The following TP53I13 variants were observed in gnomAD, a reference collection of about 807,000 sequenced individuals.
TP53I13 encodes tumor protein p53-inducible protein 13.
In TP53I13, 27 loss-of-function variants were observed where a neutral mutation model predicts 39.1. The ratio of observed to expected loss-of-function variants is 0.69; its 90% CI spans 0.51 to 0.95. TP53I13 has a LOEUF of 0.95. Among genes scored for constraint, TP53I13 ranks in the 40% least tolerant of loss-of-function variants. The pLI is 0.00. For synonymous variants in TP53I13, 230 were observed against 224.6 expected (o/e 1.02, Z -0.22); for missense variants, 544 against 520.4 (o/e 1.05, Z -0.44).
chr17:29,578,506 G>C, the TP53I13 span: 7 of 877,310 alleles, frequency 8.0e-6, no homozygotes, highest in East Asian at 1.7e-4. Context: ...TCTCAGAATG[G>C]GAAAGTGGAA....
downstream of TP53I13, chr17:29,577,795 G>A (rs1259350211): frequency 8.9e-6 from 10 of 1,120,426 alleles, no homozygotes; most frequent in African/African-American, 1.1e-4. Context: ...CCCCCAAGGT[G>A]GGGGTGGGGA....
At chr17:29,580,772 T>G in the TP53I13 span, among the ~76,000 whole-genome samples, 4 of 151,418 alleles carry the variant, frequency 2.6e-5, no homozygotes, top group South Asian at 2.1e-4. Flanking sequence ...TTCTGTTTCT[T>G]TTTCTTTTTT....
At position 29,572,839 on chromosome 17, in the gene TP53I13, C is replaced by T; in HGVS notation, c.1097C>T (p.Pro366Leu). 2.6e-6 allele frequency: 4 copies of T among 1,527,162 alleles called. No individual in the cohort carries two copies. The highest frequency in any genetic ancestry group is 1.2e-5 in the South Asian group (1 of 82,998). 94.6% of individuals were successfully genotyped at this position (1,527,162 alleles called of 1,614,324 possible). ...AAVLKRRLLQ[P>L]SRRVKRSRRR... ...GTGCTGAAGCGGAGGCTGCTGCAGC[C>T]CTCGCGCCGGGTCAAGCGCTCGCGC... The change falls in exon 7 of 7, where the codon CCC becomes CTC. Residue 366 changes from proline to leucine, a missense_variant. By Grantham distance (98) the Pro-to-Leu change is moderately conservative. Coordinates refer to ENST00000301057, the MANE Select transcript of TP53I13 (RefSeq NM_138349.4).
chr17:29,569,126 A>T, intron 2 of TP53I13, 40 bp downstream of exon 2: 1 of 1,555,762 alleles, frequency 6.4e-7, no homozygotes, highest in Non-Finnish European at 8.7e-7. Context: ...GGGATGTGAA[A>T]GGCTAGCCCA....
chr17:29,581,228 G>C, the TP53I13 span: 6 of 792,150 alleles, frequency 7.6e-6, no homozygotes, highest in Non-Finnish European at 1.3e-5. This position sits in a 1 kb window ranked among gnomAD's most constrained non-coding sequence, Gnocchi z 4.8. Context: ...AGTCTCTGGG[G>C]GGAGGGAGCA....
chr17:29,574,991 T>C (rs1302282229), downstream of TP53I13: 1 of 1,481,322 alleles, frequency 6.8e-7, no homozygotes, highest in Admixed American at 1.9e-5. Context: ...TGTCTGTGTC[T>C]CCACCCAGGT....
the TP53I13 span, chr17:29,578,606 G>C: frequency 3.2e-6 from 3 of 944,662 alleles, no homozygotes; most frequent in African/African-American, 4.8e-5. Flanking sequence ...GCTGAGGCCA[G>C]TGAGGGGACA....
the TP53I13 span, chr17:29,581,269 A>T: frequency 8.6e-7 from 1 of 1,157,352 alleles, no homozygotes. This position sits in a 1 kb window ranked among gnomAD's most constrained non-coding sequence, Gnocchi z 4.8. Context: ...CTGGGCTGGG[A>T]GCTCTGGGGG....
At chr17:29,581,086 A>G in the TP53I13 span, 2 of 544,952 alleles carry the variant, frequency 3.7e-6, no homozygotes, top group East Asian at 3.0e-5. This position sits in a 1 kb window ranked among gnomAD's most constrained non-coding sequence, Gnocchi z 4.8. Context: ...GCCCACAGGT[A>G]GCTTCTCACA....
chr17:29,582,041 G>A, the TP53I13 span: 2 of 1,611,714 alleles, frequency 1.2e-6, no homozygotes, highest in Non-Finnish European at 1.7e-6. Context: ...CACGTGCAGA[G>A]GTGTGGTGCC....
At chr17:29,576,637 G>A (rs376860718), downstream of TP53I13, 9 of 1,613,856 alleles carry the variant, frequency 5.6e-6, no homozygotes, top group African/African-American at 2.7e-5. Flanking sequence ...CTCCTGCAGC[G>A]TCACAGCCCC....
Position 29,569,142 on chromosome 17 carries a change from G to A in TP53I13, c.141+56G>A, listed in dbSNP as rs1598549723. On this transcript the variant is annotated intron_variant, in intron 2 of 6. Transcript: ENST00000301057. ...GGATGTGAAAGGCTAGCCCAGTCCC[G>A]CTCTGTTCTCGCCGCACCCTCCACA... 8 of 1,536,126 alleles carry A rather than the reference G, an allele frequency of 5.2e-6. No individual in the cohort carries two copies. In the South Asian group the frequency reaches 8.3e-5, roughly 16 times the overall value.
In TP53I13 at chr17:29,572,067, G is replaced by A. The variant is rs372939319; in HGVS notation, c.513+10G>A. 9.3e-6 allele frequency: 15 copies of A among 1,612,728 alleles called. No individual in the cohort carries two copies. The highest frequency in any genetic ancestry group is 1.3e-5 in the African/African-American group (1 of 74,920). On this transcript the variant is annotated intron_variant, in intron 5 of 6. Transcript: ENST00000301057. ...AAGAGGGTGTGTGCAGGTGAGAGAC[G>A]CTGGGCCCAGGCTTGTTGGCCCTCG...
the TP53I13 span, chr17:29,581,877 C>T: frequency 1.4e-5 from 22 of 1,609,388 alleles, no homozygotes; most frequent in East Asian, 2.2e-5. The surrounding 1 kb of genome is among the most constrained non-coding windows in gnomAD (Gnocchi z 4.8). Context: ...AGCAGCAGCC[C>T]TCACCCACAC....
chr17:29,576,245 G>A (rs559836080), downstream of TP53I13: 37 of 1,609,230 alleles, frequency 2.3e-5, no homozygotes, highest in African/African-American at 1.1e-4. Flanking sequence ...CTGCAGCCGC[G>A]TAGTGAGCTC....
chr17:29,567,059 G>T (rs931600300), upstream of TP53I13: 1 of 1,088,562 alleles, frequency 9.2e-7, no homozygotes. This position sits in a 1 kb window ranked among gnomAD's most constrained non-coding sequence, Gnocchi z 6.6. Flanking sequence ...CGCCGGCGGC[G>T]GCTGCCCAGG....
downstream of TP53I13, chr17:29,576,845 G>A (rs375511790): frequency 1.3e-6 from 2 of 1,577,412 alleles, no homozygotes; most frequent in East Asian, 2.3e-5. Flanking sequence ...GGAGTGGGAA[G>A]GAGGGTGGGA....
At chr17:29,569,225 C>T in intron 2 of TP53I13, 93 bp from the exon 3 acceptor site, 2 of 1,515,088 alleles carry the variant, frequency 1.3e-6, no homozygotes, top group Non-Finnish European at 1.8e-6. Flanking sequence ...CTTCTCCATC[C>T]CAGCCTGGCG....
At chr17:29,575,920 G>A, downstream of TP53I13, 2 of 1,589,390 alleles carry the variant, frequency 1.3e-6, no homozygotes, top group South Asian at 1.1e-5. This position sits in a 1 kb window ranked among gnomAD's most constrained non-coding sequence, Gnocchi z 5.5. Context: ...GGCAGCGCTG[G>A]ATGGAGTCAG....
Sources: gnomAD v4.1 joint callset for allele counts (sites outside exome capture counted in the v4.1 genomes callset) on GRCh38, gnomAD v4.1.1 for gene constraint, Gnocchi (gnomAD v3.1) non-coding constraint, MANE v1.5 for transcripts, NCBI Gene and HGNC (gene_info 2026-07-23, HGNC 2026-07-21) for gene names.